ITSN2: variants seen among roughly 807,000 people sequenced by gnomAD.
ITSN2 encodes the protein intersectin 2, also known as intersectin-2.
In ITSN2, 156 loss-of-function variants were observed where a neutral mutation model predicts 243.7. The observed-to-expected ratio is 0.64, with a 90% CI of 0.56 to 0.73. The LOEUF is 0.73. ITSN2 is among the 30% of genes least tolerant of loss of function. The pLI, the probability that ITSN2 is intolerant of heterozygous loss-of-function variation, is 0.00. For synonymous variants in ITSN2, 703 were observed against 699.9 expected (o/e 1.00, Z -0.07); for missense variants, 1,801 against 1,996.1 (o/e 0.90, Z 1.86).
rs146263778 is a variant in ITSN2 at position 24,217,978 on chromosome 2, G to A, written c.3735C>T (p.Leu1245=). ...AAATCAGGGCCATCTCCCCTTCAGT[G>A]AGAAAGCCTGACTCTGCCATGCGTT... ...FQKRMAESGF[L]TEGEMALIFV... is the part of the protein sequence containing the mutation. The change falls in exon 31 of 40, where the codon CTC becomes CTT. Residue 1245 remains leucine (L), a synonymous_variant. Transcript: ENST00000355123. 3 of 1,614,076 alleles carry A rather than the reference G, an allele frequency of 1.9e-6. No individual in the cohort carries two copies. The highest frequency in any genetic ancestry group is 3.3e-5 in the Admixed American group (2 of 60,024).
intron 12 of ITSN2, 79 bp downstream of exon 12, chr2:24,299,830 A>G (rs1296318956): frequency 8.0e-7 from 1 of 1,252,920 alleles, no homozygotes; most frequent in Non-Finnish European, 1.1e-6. Flanking sequence ...TTCAAAAATA[A>G]GCATTTTTTA....
chr2:24,203,633 A>AGAG lies in ITSN2; in HGVS notation c.5084_5086dup (p.Thr1695_Leu1696insPro). On this transcript the variant is annotated inframe_insertion, in exon 40 of 40. Coordinates refer to ENST00000355123, the MANE Select transcript of ITSN2 (RefSeq NM_006277.3). The stretch of plus-strand genomic sequence containing the variant: ...TGCTGTCCTTTAGAACCCCTACAGG[A>AGAG]GAGTTTTTTGCTCAAAAAGCTGCAG... 6.2e-7 allele frequency: 1 copy of AGAG among 1,613,868 alleles called. No homozygotes were observed. Among genetic ancestry groups the AGAG allele is most frequent in the Non-Finnish European group, 8.5e-7 (1 of 1,179,906 alleles).
intron 36 of ITSN2, 52 bp downstream of exon 36, chr2:24,209,048 G>A (rs187904178): frequency 1.9e-5 from 31 of 1,603,536 alleles, no homozygotes; most frequent in East Asian, 4.5e-5. Context: ...AGAGGGAGAC[G>A]TCCAGGCCTT....
At chr2:24,307,461 T>C (rs1210681757) in intron 8 of ITSN2, among the ~76,000 whole-genome samples, 1 of 152,052 alleles carries the variant, frequency 6.6e-6, no homozygotes, top group Non-Finnish European at 1.5e-5. Flanking sequence ...ACAAAGTATA[T>C]ATGTAAGCTA....
intron 14 of ITSN2, 75 bp downstream of exon 14, chr2:24,295,589 G>A (rs1337905843): frequency 1.8e-5 from 21 of 1,196,978 alleles, no homozygotes; most frequent in South Asian, 1.1e-4. Context: ...CATTACAGCC[G>A]TGAGCCACCG....
chr2:24,343,473 C>T (rs1687239291), intron 1 of ITSN2, among the ~76,000 whole-genome samples: 1 of 152,160 alleles, frequency 6.6e-6, no homozygotes, highest in Non-Finnish European at 1.5e-5. Flanking sequence ...ACTGTAACCA[C>T]TGCCTAGAAT....
At chr2:24,250,481 C>T (rs559565177) in intron 25 of ITSN2, among the ~76,000 whole-genome samples, 2 of 152,118 alleles carry the variant, frequency 1.3e-5, no homozygotes, top group South Asian at 2.1e-4. Flanking sequence ...TTAACACATA[C>T]GATTTTTCAG....
At chr2:24,303,548 T>C (rs1444609977) in intron 9 of ITSN2, among the ~76,000 whole-genome samples, 1 of 152,264 alleles carries the variant, frequency 6.6e-6, no homozygotes, top group Non-Finnish European at 1.5e-5. Flanking sequence ...AAAGTTATTG[T>C]ATGCCAAGAT....
intron 9 of ITSN2, 74 bp from the exon 10 acceptor site, chr2:24,302,176 T>C (rs1574226970): frequency 1.2e-6 from 1 of 868,354 alleles, no homozygotes; most frequent in East Asian, 3.3e-5. Context: ...AGTTCAATTT[T>C]TATTTTACTT....
intron 2 of ITSN2, among the ~76,000 whole-genome samples, chr2:24,320,375 C>T (rs529725027): frequency 5.3e-5 from 8 of 149,862 alleles, no homozygotes; most frequent in Admixed American, 1.3e-4. Context: ...AAAAATTAGC[C>T]GGGCGCGGTG....
chr2:24,334,874 T>A, intron 1 of ITSN2: 1 of 512,970 alleles, frequency 1.9e-6, no homozygotes. Context: ...CCATCCTGGC[T>A]AACAAGGTGA....
In ITSN2 at chr2:24,216,109, A is replaced by T; in HGVS notation, c.3930T>A (p.Asn1310Lys). 1 of 1,613,338 alleles carries T rather than the reference A, an allele frequency of 6.2e-7. No homozygotes were observed. Among genetic ancestry groups the T allele is most frequent in the Non-Finnish European group, 8.5e-7 (1 of 1,179,660 alleles). ...TCTTCTGCTGTAACAGAGCTGCTCC[A>T]TTAAGCTGGCAGCTGCAGAACCTGA... ...AYIRFCSCQL[N>K]GAALLQQKTD... is the part of the protein sequence containing the mutation. The change falls in exon 32 of 40, where the codon AAT (asparagine) becomes AAA (lysine). Residue 1310 changes from asparagine to lysine, a missense_variant. Around this residue, in one of 5 missense-constraint regions of ITSN2, gnomAD observed 928 missense variants for 1,065.4 expected, o/e 0.87. Coordinates refer to ENST00000355123, the MANE Select transcript of ITSN2 (RefSeq NM_006277.3).
chr2:24,288,338 T>C (rs1478279116), intron 15 of ITSN2, among the ~76,000 whole-genome samples: 4 of 152,172 alleles, frequency 2.6e-5, no homozygotes, highest in African/African-American at 9.6e-5. Flanking sequence ...CACTTGGGTT[T>C]ATTTTTGGGC....
At chr2:24,317,572 C>T (rs1684080821) in intron 2 of ITSN2, among the ~76,000 whole-genome samples, 1 of 152,190 alleles carries the variant, frequency 6.6e-6, no homozygotes, top group Non-Finnish European at 1.5e-5. Context: ...GAGACATGGG[C>T]AGAACCTGGA....
At chr2:24,242,373 A>T (rs7586438) in intron 29 of ITSN2, among the ~76,000 whole-genome samples, 148,906 of 152,260 alleles carry the variant, frequency 0.98, 72,810 homozygotes, top group East Asian at 0.99. Flanking sequence ...ATAATACTTA[A>T]AAGGGCCAAA....
At chr2:24,313,376 A>G in intron 4 of ITSN2, 84 bp downstream of exon 4, 1 of 1,122,390 alleles carries the variant, frequency 8.9e-7, no homozygotes, top group Non-Finnish European at 1.3e-6. Flanking sequence ...ATAGAATGCA[A>G]CTAAAAACAA....
intron 17 of ITSN2, among the ~76,000 whole-genome samples, chr2:24,283,472 C>T (rs987626146): frequency 1.5e-4 from 23 of 152,156 alleles, no homozygotes; most frequent in Admixed American, 1.0e-3. Flanking sequence ...GTGATCCGCC[C>T]GCCTCGGCCT....
intron 16 of ITSN2, 45 bp from the exon 17 acceptor site, chr2:24,284,888 ATTTTTTTTTTTTT>A: frequency 1.4e-5 from 5 of 369,958 alleles, no homozygotes; most frequent in South Asian, 7.2e-5. Flanking sequence ...TACGTACAGA[ATTTTTTTTTTTTT>A]TTTTTTTTTT....
rs1419727206 is a variant in ITSN2 at position 24,315,199 on chromosome 2, G to A, written c.57C>T (p.Thr19=). 1.2e-6 allele frequency: 2 copies of A among 1,611,740 alleles called. No homozygotes were observed. The highest frequency in any genetic ancestry group is 4.5e-5 in the East Asian group (2 of 44,824). The change falls in exon 3 of 40, where the codon ACC becomes ACT. Residue 19 remains threonine, a synonymous_variant. Coordinates refer to ENST00000355123, the MANE Select transcript of ITSN2 (RefSeq NM_006277.3). The stretch of plus-strand genomic sequence containing the variant: ...TGTCATGCTTAGTACGTTCTTCAGA[G>A]GTAATAGCCCACATGTTTGGCCCTC... The part of the protein sequence containing the change: ...MNGGPNMWAI[T]SEERTKHDRQ...
Sources: gnomAD v4.1 joint callset for allele counts (sites outside exome capture counted in the v4.1 genomes callset) on GRCh38, gnomAD v4.1.1 for gene constraint, gnomAD v4.1.1 regional missense constraint, MANE v1.5 for transcripts, NCBI Gene and HGNC (gene_info 2026-07-23, HGNC 2026-07-21) for gene names.